Variants in ARHGAP39 observed in about 807,000 individuals in gnomAD.
ARHGAP39 encodes the protein Rho GTPase activating protein 39.
In ARHGAP39, 44 loss-of-function variants were observed where a neutral mutation model predicts 106.9. The observed-to-expected ratio is 0.41, with a 90% CI of 0.32 to 0.53. ARHGAP39 has a LOEUF of 0.53. ARHGAP39 is among the 20% of genes least tolerant of loss of function. The probability of loss-of-function intolerance (pLI) is 0.21; values close to 1 mark genes in which losing one functional copy is unlikely to be tolerated. For synonymous variants in ARHGAP39, 768 were observed against 693.2 expected (o/e 1.11, Z -1.69); for missense variants, 1,496 against 1,577.3 (o/e 0.95, Z 0.87).
intron 1 of ARHGAP39, among the ~76,000 whole-genome samples, chr8:144,636,761 C>A (rs1260497172): frequency 6.6e-6 from 1 of 152,192 alleles, no homozygotes; most frequent in African/African-American, 2.4e-5. Context: ...AGGCTCAGCA[C>A]CCTCCATTTA....
At chr8:144,588,807 G>GCA (rs1563690261) in intron 2 of ARHGAP39, among the ~76,000 whole-genome samples, 1 of 152,248 alleles carries the variant, frequency 6.6e-6, no homozygotes, top group East Asian at 1.9e-4. Context: ...CGTGCTCACC[G>GCA]CGCCGTGACA....
At chr8:144,676,499 C>T (rs1476434672) in intron 1 of ARHGAP39, among the ~76,000 whole-genome samples, 1 of 152,100 alleles carries the variant, frequency 6.6e-6, no homozygotes, top group Non-Finnish European at 1.5e-5. Context: ...TTGAGCTAGA[C>T]ACACAGTGCT....
chr8:144,582,269 C>A (rs762226600), intron 2 of ARHGAP39, among the ~76,000 whole-genome samples: 5 of 152,152 alleles, frequency 3.3e-5, no homozygotes, highest in African/African-American at 1.2e-4. Context: ...AGACTGGCTG[C>A]GGGGGCGACC....
intron 1 of ARHGAP39, among the ~76,000 whole-genome samples, chr8:144,681,145 C>T (rs544223699): frequency 9.9e-5 from 15 of 152,006 alleles, no homozygotes; most frequent in Non-Finnish European, 1.6e-4. Flanking sequence ...CCTCAGGGCA[C>T]AGCAAAGACT....
chr8:144,601,257 T>C (rs1161243154), intron 2 of ARHGAP39, among the ~76,000 whole-genome samples: 1 of 139,614 alleles, frequency 7.2e-6, no homozygotes, highest in Non-Finnish European at 1.5e-5. Context: ...GAGGCGTGTG[T>C]GCTCGTGAAC....
At position 144,547,682 on chromosome 8, in the gene ARHGAP39, G is replaced by A; in HGVS notation, c.1404C>T (p.Ala468=). The change falls in exon 5 of 12, where the codon GCC becomes GCT. Residue 468 remains alanine, a synonymous_variant. Transcript: ENST00000377307. This position sits in a 1 kb window ranked among gnomAD's most constrained non-coding sequence, Gnocchi z 5.2. ...TGGACCAGGACATGGCATCCTCCTGGGCCTGTGGCAGCGGCGTGGGCGGCT... is the reference window on the plus strand; with the variant it reads ...TGGACCAGGACATGGCATCCTCCTGAGCCTGTGGCAGCGGCGTGGGCGGCT... ...HSQPPTPLPQ[A]QEDAMSWSSQ... 6.3e-7 allele frequency: 1 copy of A among 1,576,582 alleles called. No individual in the cohort carries two copies. Among genetic ancestry groups the A allele is most frequent in the Non-Finnish European group, 8.6e-7 (1 of 1,166,922 alleles).
At chr8:144,589,080 C>T (rs755196247) in intron 2 of ARHGAP39, among the ~76,000 whole-genome samples, 22 of 152,122 alleles carry the variant, frequency 1.4e-4, no homozygotes, top group Middle Eastern at 3.2e-3. Flanking sequence ...TAACAATTCC[C>T]GGCAGGGGCT....
chr8:144,576,471 A>C (rs1172134403), intron 3 of ARHGAP39, among the ~76,000 whole-genome samples: 2 of 152,036 alleles, frequency 1.3e-5, no homozygotes, highest in Non-Finnish European at 2.9e-5. Flanking sequence ...TCCAGTCCCC[A>C]GAGAGTGGGC....
In ARHGAP39 at chr8:144,547,573, T is replaced by C; in HGVS notation, c.1513A>G (p.Thr505Ala). 6.8e-7 allele frequency: 1 copy of C among 1,472,320 alleles called. No homozygotes were observed. The highest frequency in any genetic ancestry group is 9.0e-7 in the Non-Finnish European group (1 of 1,114,052). 91.2% of individuals were successfully genotyped at this position (1,472,320 alleles called of 1,614,324 possible). A position where few individuals can be genotyped will look rare whatever the true frequency, so the allele number is the denominator to read the frequency against. ...GGGCCCTCAGTGGGGGTGGCGCTGG[T>C]GGCTTGGCACAAAGAGGGCTTTCTG... ...KSRKPSLCQA[T>A]SATPTEGPGD... The change falls in exon 5 of 12, where the codon ACC (threonine) becomes GCC (alanine). Residue 505 changes from threonine (T) to alanine (A), a missense_variant. By Grantham distance (58) the Thr-to-Ala change is moderately conservative. This residue lies in a region of ARHGAP39 where 905 missense variants were observed against 816.4 expected (regional missense o/e 1.11). Coordinates refer to ENST00000377307, the MANE Select transcript of ARHGAP39 (RefSeq NM_025251.3). The surrounding 1 kb of genome is among the most constrained non-coding windows in gnomAD (Gnocchi z 5.2).
chr8:144,681,340 G>A (rs967576361), intron 1 of ARHGAP39, among the ~76,000 whole-genome samples: 10 of 152,188 alleles, frequency 6.6e-5, no homozygotes, highest in Non-Finnish European at 1.3e-4. Flanking sequence ...AGTCTGTCCA[G>A]CTCTGCGAGG....
the ARHGAP39 span, among the ~76,000 whole-genome samples, chr8:144,691,623 C>T: frequency 0.013 from 1,966 of 152,158 alleles, 14 homozygotes; most frequent in Non-Finnish European, 0.02. Flanking sequence ...CAGATGTCAC[C>T]TATTGATTGT....
chr8:144,589,946 G>A lies in ARHGAP39; in HGVS notation c.81-8669C>T, dbSNP rs147272723. On this transcript the variant is annotated intron_variant, in intron 2 of 11. Coordinates refer to ENST00000377307, the MANE Select transcript of ARHGAP39 (RefSeq NM_025251.3). ...GCGTGGGAGCCCCGCCCACAAGAGG[G>A]AACAACACGTCACTGCTGCCTCGGG... Among the ~76,000 whole-genome samples, 608 of 152,304 alleles carry A rather than the reference G, an allele frequency of 4.0e-3. 1 individual carries two copies. Among genetic ancestry groups the A allele is most frequent in the Non-Finnish European group, 6.8e-3 (460 of 68,014 alleles).
At chr8:144,532,449 T>C (rs1816766405) in intron 9 of ARHGAP39, 53 bp from the exon 10 acceptor site, 29 of 1,513,856 alleles carry the variant, frequency 1.9e-5, no homozygotes, top group South Asian at 2.3e-5. Context: ...TGCGGCTTCA[T>C]GATTCCGCCT....
intron 2 of ARHGAP39, chr8:144,584,136 A>T (rs1819099856): frequency 2.6e-5 from 4 of 152,274 alleles, no homozygotes; most frequent in Admixed American, 1.3e-4. Context: ...GTCTAAAGCC[A>T]AATATTAAAA....
intron 1 of ARHGAP39, among the ~76,000 whole-genome samples, chr8:144,681,319 C>A (rs1300835201): frequency 6.6e-6 from 1 of 152,112 alleles, no homozygotes; most frequent in African/African-American, 2.4e-5. Flanking sequence ...GGTAGTCCAG[C>A]TCTGCGAGGG....
intron 3 of ARHGAP39, among the ~76,000 whole-genome samples, chr8:144,555,924 T>G (rs1817899669): frequency 6.6e-6 from 1 of 152,146 alleles, no homozygotes; most frequent in African/African-American, 2.4e-5. Context: ...GGCATAGAGA[T>G]GGGGTTACTG....
chr8:144,687,031 G>T (rs1201900207), upstream of ARHGAP39, among the ~76,000 whole-genome samples: 8 of 99,548 alleles, frequency 8.0e-5, no homozygotes, highest in East Asian at 6.9e-4. Context: ...ACCACGCACT[G>T]GCGGCGAGCA....
At chr8:144,546,978 G>T in intron 5 of ARHGAP39, 149 bp downstream of exon 5, 2 of 1,027,660 alleles carry the variant, frequency 1.9e-6, no homozygotes, top group Non-Finnish European at 2.7e-6. Context: ...CCGCTGGAGT[G>T]CCCAGGGCCC....
At chr8:144,686,890 G>A (rs62529935), upstream of ARHGAP39, among the ~76,000 whole-genome samples, 24,531 of 29,472 alleles carry the variant, frequency 0.83, 10,726 homozygotes, top group African/African-American at 0.86. Flanking sequence ...ACACACTGGC[G>A]GCGAGCACTT....
Sources: allele counts gnomAD v4.1 joint callset (sites outside exome capture counted in the v4.1 genomes callset), GRCh38; gene constraint gnomAD v4.1.1; regional missense constraint gnomAD v4.1.1; non-coding constraint Gnocchi (gnomAD v3.1); transcripts MANE v1.5; gene names NCBI Gene and HGNC (gene_info 2026-07-23, HGNC 2026-07-21).